PMM1: variants seen among roughly 807,000 people sequenced by gnomAD.
The protein encoded by PMM1 is phosphomannomutase 1.
Under a neutral mutation model 34.0 loss-of-function variants are expected in PMM1, and 25 were observed. The ratio of observed to expected loss-of-function variants is 0.73; its 90% CI spans 0.54 to 1.03. The LOEUF is 1.03. Among genes scored for constraint, PMM1 ranks in the 50% least tolerant of loss-of-function variants. PMM1 has a pLI of 0.00. For synonymous variants in PMM1, 134 were observed against 143.9 expected (o/e 0.93, Z 0.49); for missense variants, 321 against 350.1 (o/e 0.92, Z 0.66).
chr22:41,589,723 C>A lies in PMM1; in HGVS notation c.83G>T (p.Arg28Leu), dbSNP rs750714549. The change falls in exon 1 of 8, where the codon CGC (arginine) becomes CTC (leucine). Residue 28 changes from arginine (R) to leucine (L), a missense_variant. By Grantham distance (102) the Arg-to-Leu change is moderately radical (BLOSUM62 -2). Transcript: ENST00000216259. The part of the protein sequence containing the change: ...FDVDGTLTPA[R>L]QKIDPEVAAF... Reference sequence around the variant, plus strand: ...TTCCAATCTTCAGGGTCCTACCTGGCGAGCCGGCGTGAGGGTCCCGTCCAC... The same window carrying A: ...TTCCAATCTTCAGGGTCCTACCTGGAGAGCCGGCGTGAGGGTCCCGTCCAC... The A allele has an allele frequency of 5.6e-6, 9 of 1,610,286 alleles. No homozygotes were observed. The highest frequency in any genetic ancestry group is 6.8e-6 in the Non-Finnish European group (8 of 1,178,890).
intron 1 of PMM1, among the ~76,000 whole-genome samples, chr22:41,587,364 C>T (rs147131070): frequency 0.011 from 1,701 of 149,234 alleles, 28 homozygotes; most frequent in African/African-American, 0.041. Context: ...CCCTTGAACC[C>T]GGGAGGTGGA....
chr22:41,587,585 C>T (rs543038632), intron 1 of PMM1, among the ~76,000 whole-genome samples: 73 of 152,304 alleles, frequency 4.8e-4, no homozygotes, highest in African/African-American at 1.6e-3. Flanking sequence ...AGCGCCACTG[C>T]ACTCCAGACT....
intron 1 of PMM1, among the ~76,000 whole-genome samples, chr22:41,588,122 C>T (rs1346097259): frequency 1.3e-5 from 2 of 152,236 alleles, no homozygotes; most frequent in South Asian, 4.1e-4. Flanking sequence ...ACAATCTTGG[C>T]TCACTGCAAC....
chr22:41,577,979 C>G (rs1292128041), intron 6 of PMM1, 56 bp from the exon 7 acceptor site: 1 of 1,298,886 alleles, frequency 7.7e-7, no homozygotes, highest in Non-Finnish European at 1.1e-6. Context: ...ACAAGGCTAA[C>G]AGAAGGGCTG....
intron 5 of PMM1, among the ~76,000 whole-genome samples, chr22:41,583,576 G>T (rs546022852): frequency 3.9e-5 from 6 of 152,188 alleles, no homozygotes; most frequent in African/African-American, 1.2e-4. Context: ...AGAGAGGAAA[G>T]TTGGGGCAGC....
intron 5 of PMM1, among the ~76,000 whole-genome samples, chr22:41,582,032 T>A (rs2067252488): frequency 6.7e-6 from 1 of 148,728 alleles, no homozygotes; most frequent in Non-Finnish European, 1.5e-5. Context: ...TAGTCCCAGA[T>A]ACTTGGGAGG....
chr22:41,586,887 G>A (rs1233794480), intron 1 of PMM1, among the ~76,000 whole-genome samples: 6 of 148,298 alleles, frequency 4.0e-5, no homozygotes, highest in Non-Finnish European at 7.5e-5. Context: ...GGAGGCCCAG[G>A]AGGGTGGATC....
intron 1 of PMM1, chr22:41,589,417 G>C (rs1399897875): frequency 5.9e-6 from 3 of 506,544 alleles, no homozygotes; most frequent in South Asian, 4.1e-5. Flanking sequence ...CCTTAGCGGC[G>C]TGTGACAGCC....
At chr22:41,579,586 T>C (rs1350816677) in intron 5 of PMM1, 1 of 152,530 alleles carries the variant, frequency 6.6e-6, no homozygotes, top group African/African-American at 2.4e-5. Context: ...ACAGAGGGTC[T>C]CGAGACCGGG....
Position 41,584,593 on chromosome 22 carries a change from C to G in PMM1, c.216G>C (p.Lys72Asn), listed in dbSNP as rs756930819. ...QLGDGDEVIE[K>N]FDYVFAENGT... is the part of the protein sequence containing the mutation. The stretch of plus-strand genomic sequence containing the variant: ...CGTTCTCGGCAAACACATAATCAAA[C>G]TTCTCAATGACTTCAGGGTCACATA... Residue 72 changes from lysine to asparagine, a missense_variant, in exon 3 of 8, where the codon AAG (lysine) becomes AAC (asparagine). Coordinates refer to ENST00000216259, the MANE Select transcript of PMM1 (RefSeq NM_002676.3). 7 of 1,613,584 alleles carry G rather than the reference C, an allele frequency of 4.3e-6. No individual in the cohort carries two copies. In the Admixed American group the frequency reaches 6.7e-5, roughly 15 times the overall value.
chr22:41,584,497 G>A lies in PMM1; in HGVS notation c.282+30C>T, dbSNP rs747163047. On this transcript the variant is annotated intron_variant, in intron 3 of 7. Coordinates refer to ENST00000216259, the MANE Select transcript of PMM1 (RefSeq NM_002676.3). ...CTGCTCCACTATGGAAAAGTGGGGTGCCCCTGGCTAAGCCCTGGGGGACAC... is the reference window on the plus strand; with the variant it reads ...CTGCTCCACTATGGAAAAGTGGGGTACCCCTGGCTAAGCCCTGGGGGACAC... 4 of 1,586,966 alleles carry A rather than the reference G, an allele frequency of 2.5e-6. No individual in the cohort carries two copies. The African/African-American group carries it at 4.0e-5, about 16-fold the overall frequency.
At chr22:41,589,082 A>G in intron 1 of PMM1, 1 of 1,303,878 alleles carries the variant, frequency 7.7e-7, no homozygotes, top group Non-Finnish European at 1.0e-6. Context: ...CTCACAGCAA[A>G]CAGGCTAGGC....
chr22:41,581,178 G>T lies in PMM1; in HGVS notation c.475-2297C>A, dbSNP rs144011868. On this transcript the variant is annotated intron_variant, in intron 5 of 7. Coordinates refer to ENST00000216259, the MANE Select transcript of PMM1 (RefSeq NM_002676.3). ...ACCAAAACCAAAACCAAAAAACTTA[G>T]CCAGGTGTGGTGGCATGGGCCTGTA... 9.6e-4 allele frequency among the ~76,000 whole-genome samples: 144 copies of T among 150,366 alleles called. 2 individuals are homozygous for T. The East Asian group carries it at 0.025, about 26-fold the overall frequency.
intron 1 of PMM1, among the ~76,000 whole-genome samples, chr22:41,588,223 GT>G (rs2067334372): frequency 6.6e-6 from 1 of 151,100 alleles, no homozygotes; most frequent in Admixed American, 6.6e-5. Context: ...TCTACTTTTT[GT>G]TTTGTTTTGT....
chr22:41,582,650 G>A (rs2067259758), intron 5 of PMM1, among the ~76,000 whole-genome samples: 1 of 152,088 alleles, frequency 6.6e-6, no homozygotes, highest in Non-Finnish European at 1.5e-5. Flanking sequence ...GGAAGGAGGA[G>A]GAAGTGCAGC....
chr22:41,586,031 ATC>A (rs1432951044), intron 2 of PMM1, 43 bp downstream of exon 2: 1 of 1,396,464 alleles, frequency 7.2e-7, no homozygotes, highest in African/African-American at 1.5e-5. Context: ...ACGCCCAGGA[ATC>A]TCTCAAACTC....
At chr22:41,588,706 A>AG in intron 1 of PMM1, 1 of 985,466 alleles carries the variant, frequency 1.0e-6, no homozygotes, top group South Asian at 4.7e-5. Flanking sequence ...CCCTGCAGGA[A>AG]GGCCTCCAGG....
At position 41,588,344 on chromosome 22, in the gene PMM1, C is replaced by T. The variant is rs369575678; in HGVS notation, c.87+1375G>A. ...AAGTGATTCTCCTGCCTCAGCCTCC[C>T]GACTAGCTAGGATTACAGGTGCATG... is the stretch of plus-strand genomic sequence containing the variant. On this transcript the variant is annotated intron_variant, in intron 1 of 7. Transcript: ENST00000216259. Among the ~76,000 whole-genome samples, 22 of 152,368 alleles carry T rather than the reference C, an allele frequency of 1.4e-4. No homozygotes were observed. The East Asian group carries it at 2.5e-3, about 17-fold the overall frequency.
chr22:41,578,902 A>G, intron 5 of PMM1, 21 bp from the exon 6 acceptor site: 1 of 1,610,004 alleles, frequency 6.2e-7, no homozygotes, highest in Non-Finnish European at 8.5e-7. Context: ...GAGGGAGCGG[A>G]TGGCAGCTCA....
Sources: allele counts gnomAD v4.1 joint callset (sites outside exome capture counted in the v4.1 genomes callset), GRCh38; gene constraint gnomAD v4.1.1; transcripts MANE v1.5; gene names NCBI Gene and HGNC (gene_info 2026-07-23, HGNC 2026-07-21).